ALDH1A2: variants seen among roughly 807,000 people sequenced by gnomAD.
ALDH1A2 encodes the protein aldehyde dehydrogenase 1 family member A2.
A neutral mutation model predicts 60.3 loss-of-function variants in ALDH1A2; 27 were observed. That is an observed-to-expected ratio of 0.45 (90% CI 0.33 to 0.62). The LOEUF is 0.62. Ranked by LOEUF, ALDH1A2 falls within the 20% of genes least tolerant of loss-of-function variation. The pLI is 0.02. For synonymous variants in ALDH1A2, 289 were observed against 232.4 expected (o/e 1.24, Z -2.21); for missense variants, 581 against 643.8 (o/e 0.90, Z 1.06).
chr15:57,963,367 A>C (rs1893790567), intron 9 of ALDH1A2, among the ~76,000 whole-genome samples: 1 of 142,180 alleles, frequency 7.0e-6, no homozygotes, highest in Admixed American at 7.2e-5. Context: ...TTTTTTTGAG[A>C]CGGAGTCTTG....
chr15:58,047,800 T>G (rs1444990179), intron 1 of ALDH1A2, among the ~76,000 whole-genome samples: 4 of 151,980 alleles, frequency 2.6e-5, no homozygotes, highest in Non-Finnish European at 5.9e-5. Flanking sequence ...TTCGCTTTGC[T>G]TCACGCCAAA....
chr15:58,051,965 T>C (rs932724547), intron 1 of ALDH1A2, among the ~76,000 whole-genome samples: 17 of 152,160 alleles, frequency 1.1e-4, no homozygotes, highest in Non-Finnish European at 1.5e-5. Flanking sequence ...AAATATTTTC[T>C]GCCTACTACT....
intron 1 of ALDH1A2, among the ~76,000 whole-genome samples, chr15:58,055,848 C>A (rs1896881728): frequency 6.6e-6 from 1 of 151,982 alleles, no homozygotes; most frequent in Non-Finnish European, 1.5e-5. Flanking sequence ...ATTCTCTTCA[C>A]TAACAGGATG....
At chr15:58,065,212 G>A (rs34346064) in intron 1 of ALDH1A2, 93 of 347,272 alleles carry the variant, frequency 2.7e-4, no homozygotes, top group African/African-American at 2.2e-3. Context: ...AAGCGGTTCC[G>A]ACGCCTTCCC....
chr15:57,971,174 C>G (rs1309092362), intron 7 of ALDH1A2, among the ~76,000 whole-genome samples: 1 of 152,218 alleles, frequency 6.6e-6, no homozygotes, highest in African/African-American at 2.4e-5. Flanking sequence ...CTTTCTGGAA[C>G]ATGCCTGTGT....
At chr15:58,023,269 A>C (rs1043794897) in intron 1 of ALDH1A2, among the ~76,000 whole-genome samples, 2 of 152,230 alleles carry the variant, frequency 1.3e-5, no homozygotes, top group African/African-American at 2.4e-5. Flanking sequence ...GAAATAATCC[A>C]GTAAAACAAA....
intron 7 of ALDH1A2, among the ~76,000 whole-genome samples, chr15:57,973,529 T>C (rs1237873620): frequency 1.3e-5 from 2 of 152,226 alleles, no homozygotes; most frequent in Admixed American, 6.5e-5. Flanking sequence ...ACTTCTCAGG[T>C]AGCCTGCAAA....
intron 4 of ALDH1A2, among the ~76,000 whole-genome samples, chr15:58,008,277 A>G (rs1380444074): frequency 1.3e-5 from 2 of 152,106 alleles, no homozygotes; most frequent in South Asian, 4.1e-4. Flanking sequence ...GTTTAAGAGA[A>G]TTCATCGTTT....
chr15:58,058,949 G>A (rs1381722781), intron 1 of ALDH1A2, among the ~76,000 whole-genome samples: 2 of 152,178 alleles, frequency 1.3e-5, no homozygotes, highest in Non-Finnish European at 2.9e-5. Context: ...AGAAGTCTAG[G>A]TGGTGAAATC....
chr15:58,041,217 ACAC>A (rs1323692273), intron 1 of ALDH1A2, among the ~76,000 whole-genome samples: 2 of 151,956 alleles, frequency 1.3e-5, no homozygotes, highest in Non-Finnish European at 2.9e-5. Flanking sequence ...CATTTATACA[ACAC>A]CACCATTTAT....
At chr15:58,021,919 G>A (rs563612490) in intron 1 of ALDH1A2, among the ~76,000 whole-genome samples, 7 of 152,316 alleles carry the variant, frequency 4.6e-5, no homozygotes, top group East Asian at 1.9e-4. Context: ...TGGTGCAGGC[G>A]GATGAGTTAG....
chr15:58,055,880 T>C (rs1896882485), intron 1 of ALDH1A2, among the ~76,000 whole-genome samples: 1 of 146,868 alleles, frequency 6.8e-6, no homozygotes, highest in South Asian at 2.1e-4. Flanking sequence ...TCTTGAATAA[T>C]GTAGAGTTAT....
intron 1 of ALDH1A2, among the ~76,000 whole-genome samples, chr15:58,045,193 G>A (rs1321881471): frequency 6.6e-6 from 1 of 152,058 alleles, no homozygotes; most frequent in African/African-American, 2.4e-5. Context: ...GCCACAGAGA[G>A]ATACTATCTC....
chr15:57,966,895 G>C (rs778034638), intron 7 of ALDH1A2, among the ~76,000 whole-genome samples: 4 of 152,168 alleles, frequency 2.6e-5, no homozygotes, highest in East Asian at 1.9e-4. Context: ...AACAGGATGC[G>C]ACTCCACTGG....
intron 1 of ALDH1A2, among the ~76,000 whole-genome samples, chr15:58,056,998 G>T (rs1349140242): frequency 2.0e-5 from 3 of 151,982 alleles, no homozygotes; most frequent in African/African-American, 7.2e-5. Context: ...AACTATGTTG[G>T]ACAGAAATTT....
rs1408262278 is a variant in ALDH1A2, at chr15:57,961,294, T to C, written c.1252A>G (p.Ile418Val). The change falls in exon 11 of 13, where the codon ATC (isoleucine) becomes GTC (valine). Residue 418 changes from isoleucine to valine, a missense_variant and splice_region_variant. Ile to Val is a conservative substitution (Grantham distance 29). Transcript: ENST00000249750. ...TDDMRIAKEEIFGPVQEILRF... is the reference protein window; with the variant it reads ...TDDMRIAKEEVFGPVQEILRF... ...AAAATTTCCTGAACAGGGCCAAAGA[T>C]CTGCAAAAAGATAATATGACTCAAC... The C allele has an allele frequency of 6.2e-7, 1 of 1,613,670 alleles. No individual in the cohort carries two copies. The highest frequency in any genetic ancestry group is 1.3e-5 in the African/African-American group (1 of 74,918).
chr15:57,994,144 G>A (rs893500562), intron 5 of ALDH1A2, among the ~76,000 whole-genome samples: 3 of 152,180 alleles, frequency 2.0e-5, no homozygotes, highest in Admixed American at 6.5e-5. Context: ...TGAATCCTAC[G>A]AGGAAGGTGA....
Position 58,008,954 on chromosome 15 carries a change from G to C in ALDH1A2, c.493+1695C>G, listed in dbSNP as rs1381941283. Among the ~76,000 whole-genome samples the C allele has an allele frequency of 3.9e-5, 6 of 152,076 alleles. No homozygotes were observed. In the East Asian group the frequency reaches 1.2e-3, roughly 29 times the overall value. On this transcript the variant is annotated intron_variant, in intron 4 of 12. Transcript: ENST00000249750. ...CTGTAATATCCTTAGAGTCAGAACT[G>C]AACTAAGATTCTGACTTTCCCCAAG...
intron 1 of ALDH1A2, among the ~76,000 whole-genome samples, chr15:58,062,852 T>C (rs535746195): frequency 1.8e-3 from 273 of 152,308 alleles, no homozygotes; most frequent in African/African-American, 6.0e-3. Context: ...AAGCGTATTT[T>C]AAAAAATGGA....
Sources: gnomAD v4.1 joint callset for allele counts (sites outside exome capture counted in the v4.1 genomes callset) on GRCh38, gnomAD v4.1.1 for gene constraint, MANE v1.5 for transcripts, NCBI Gene and HGNC (gene_info 2026-07-23, HGNC 2026-07-21) for gene names.